The following DCP2 variants were observed in gnomAD, a reference collection of about 807,000 sequenced individuals.
DCP2 encodes the protein decapping mRNA 2, also known as m7GpppN-mRNA hydrolase.
Under a neutral mutation model 56.1 loss-of-function variants are expected in DCP2, and 30 were observed. That is an observed-to-expected ratio of 0.53 (90% CI 0.40 to 0.73). The LOEUF (loss-of-function observed/expected upper bound fraction) is 0.73. DCP2 is among the 30% of genes least tolerant of loss of function. The probability of loss-of-function intolerance (pLI) is 0.00; values close to 1 mark genes in which losing one functional copy is unlikely to be tolerated. For synonymous variants in DCP2, 197 were observed against 163.3 expected, an observed-to-expected ratio of 1.21 and a Z score of -1.57; for missense variants, 533 against 502.7, an observed-to-expected ratio of 1.06 and a Z score of -0.58.
In DCP2 at chr5:113,016,202, C is replaced by A. The variant is rs1312008728; in HGVS notation, c.*2718C>A. 1 of 152,538 alleles carries A rather than the reference C, an allele frequency of 6.6e-6. No individual in the cohort carries two copies. The highest frequency in any genetic ancestry group is 1.5e-5 in the Non-Finnish European group (1 of 68,006). 9.4% of individuals were successfully genotyped at this position (152,538 alleles called of 1,614,324 possible). A position where few individuals can be genotyped will look rare whatever the true frequency, so the allele number is the denominator to read the frequency against. The stretch of plus-strand genomic sequence containing the variant: ...AAAAGATAAGGGTGTGGTTTACATG[C>A]TTTTCAAAAATTTTTGTTAAGAAGT... On this transcript the variant is annotated 3_prime_UTR_variant, in exon 11 of 11. Transcript: ENST00000389063.
At chr5:112,983,558 G>A (rs140908699) in intron 1 of DCP2, among the ~76,000 whole-genome samples, 25 of 152,260 alleles carry the variant, frequency 1.6e-4, no homozygotes, top group Non-Finnish European at 1.5e-5. Flanking sequence ...ATTGACTTAC[G>A]AGACCTTTCA....
In DCP2 at chr5:113,015,073, T is replaced by C. The variant is rs1463099391; in HGVS notation, c.*1589T>C. 1 of 152,664 alleles carries C rather than the reference T, an allele frequency of 6.6e-6. No homozygotes were observed. The allele number at this position is 152,664 out of a possible 1,614,324, so 9.5% of individuals were successfully genotyped here. A position where few individuals can be genotyped will look rare whatever the true frequency, so the allele number is the denominator to read the frequency against. ...AAGCAGTGTGTATAGAATTATGATATTCAGAATCCTGCATCTTTTAATGTG... is the reference window on the plus strand; with the variant it reads ...AAGCAGTGTGTATAGAATTATGATACTCAGAATCCTGCATCTTTTAATGTG... On this transcript the variant is annotated 3_prime_UTR_variant, in exon 11 of 11. Coordinates refer to ENST00000389063, the MANE Select transcript of DCP2 (RefSeq NM_152624.6).
intron 8 of DCP2, among the ~76,000 whole-genome samples, chr5:113,004,823 T>A (rs531255777): frequency 5.9e-5 from 9 of 151,972 alleles, no homozygotes; most frequent in South Asian, 2.1e-4. Context: ...TTTTTTTTTT[T>A]ATTTTAAAAA....
At chr5:112,987,170 A>G (rs954374554) in intron 2 of DCP2, among the ~76,000 whole-genome samples, 24 of 152,306 alleles carry the variant, frequency 1.6e-4, no homozygotes, top group Admixed American at 1.1e-3. Flanking sequence ...AATGGTCCTG[A>G]TAGTACATGT....
intron 4 of DCP2, among the ~76,000 whole-genome samples, chr5:112,994,855 T>C (rs552638919): frequency 6.6e-6 from 1 of 152,298 alleles, no homozygotes; most frequent in East Asian, 1.9e-4. Context: ...GTAATATCTT[T>C]AAGGAAAAAA....
chr5:112,992,052 G>A (rs970728146), intron 2 of DCP2, 69 bp from the exon 3 acceptor site: 2 of 1,560,936 alleles, frequency 1.3e-6, no homozygotes, highest in Non-Finnish European at 1.7e-6. Flanking sequence ...ATTTAAATGG[G>A]TCTCTTTCTG....
At chr5:113,011,968 TCTC>T (rs1401515787) in intron 10 of DCP2, among the ~76,000 whole-genome samples, 2 of 152,220 alleles carry the variant, frequency 1.3e-5, no homozygotes, top group East Asian at 3.8e-4. Context: ...GTCTATTATT[TCTC>T]CTCATTAGAG....
At chr5:112,979,417 G>T (rs1007869007) in intron 1 of DCP2, among the ~76,000 whole-genome samples, 9 of 151,758 alleles carry the variant, frequency 5.9e-5, no homozygotes, top group Non-Finnish European at 1.0e-4. Context: ...CTTAGAATTT[G>T]GTAAACTTCT....
intron 4 of DCP2, among the ~76,000 whole-genome samples, chr5:112,993,622 C>G (rs1169681652): frequency 1.5e-5 from 2 of 129,552 alleles, no homozygotes; most frequent in Non-Finnish European, 3.2e-5. Context: ...GAAACACTAT[C>G]TCAAAAAAAA....
chr5:112,999,443 C>G (rs1314383098), intron 4 of DCP2, among the ~76,000 whole-genome samples: 2 of 151,736 alleles, frequency 1.3e-5, no homozygotes, highest in Non-Finnish European at 2.9e-5. Context: ...ATTCTCCTGT[C>G]TCAGCCTTCC....
intron 1 of DCP2, among the ~76,000 whole-genome samples, chr5:112,982,178 T>G (rs545055962): frequency 3.0e-5 from 4 of 134,738 alleles, no homozygotes; most frequent in African/African-American, 1.1e-4. Flanking sequence ...GTTGTACATG[T>G]ACTCCTCTCT....
chr5:113,015,088 C>T lies in DCP2; in HGVS notation c.*1604C>T, dbSNP rs1236234306. On this transcript the variant is annotated 3_prime_UTR_variant, in exon 11 of 11. Coordinates refer to ENST00000389063, the MANE Select transcript of DCP2 (RefSeq NM_152624.6). The stretch of plus-strand genomic sequence containing the variant: ...AATTATGATATTCAGAATCCTGCAT[C>T]TTTTAATGTGACAAATTTTTGAATC... 6.6e-6 allele frequency: 1 copy of T among 152,586 alleles called. No homozygotes were observed. Among genetic ancestry groups the T allele is most frequent in the Non-Finnish European group, 1.5e-5 (1 of 68,030 alleles). 9.5% of individuals were successfully genotyped at this position (152,586 alleles called of 1,614,324 possible).
In DCP2 at chr5:113,015,787, G is replaced by T. The variant is rs1456877884; in HGVS notation, c.*2303G>T. 6.6e-6 allele frequency: 1 copy of T among 152,584 alleles called. No individual in the cohort carries two copies. The highest frequency in any genetic ancestry group is 1.9e-4 in the East Asian group (1 of 5,196). The allele number at this position is 152,584 out of a possible 1,614,324, so 9.5% of individuals were successfully genotyped here. ...TACTATACTTATTCTCTCAAACCTG[G>T]GTAATAGTTTCTCAGTGTTCAGGTT... On this transcript the variant is annotated 3_prime_UTR_variant, in exon 11 of 11. Transcript: ENST00000389063.
At position 113,017,194 on chromosome 5, in the gene DCP2, G is replaced by C. The variant is rs1749924619; in HGVS notation, c.*3710G>C. On this transcript the variant is annotated 3_prime_UTR_variant, in exon 11 of 11. Coordinates refer to ENST00000389063, the MANE Select transcript of DCP2 (RefSeq NM_152624.6). ...GTATGTTAATCATAGTTATAGTAAAGTCAGACTCATTAACTTTTCTTCCTA... is the reference window on the plus strand; with the variant it reads ...GTATGTTAATCATAGTTATAGTAAACTCAGACTCATTAACTTTTCTTCCTA... 1 of 152,192 alleles carries C rather than the reference G, an allele frequency of 6.6e-6. No homozygotes were observed. The highest frequency in any genetic ancestry group is 2.4e-5 in the African/African-American group (1 of 41,436). The allele number at this position is 152,192 out of a possible 1,614,324, so 9.4% of individuals were successfully genotyped here.
At chr5:112,985,535 A>T (rs956002569) in intron 1 of DCP2, among the ~76,000 whole-genome samples, 13 of 152,186 alleles carry the variant, frequency 8.5e-5, no homozygotes, top group African/African-American at 2.7e-4. Context: ...CATGGGAGGA[A>T]GCGGAGGTTT....
At chr5:113,003,873 C>T (rs1169074675) in intron 7 of DCP2, 69 bp from the exon 8 acceptor site, 1 of 1,518,118 alleles carries the variant, frequency 6.6e-7, no homozygotes, top group Non-Finnish European at 9.1e-7. Context: ...ATAAATTTAA[C>T]TATTAAGGTG....
chr5:113,001,284 A>G (rs758099700), intron 5 of DCP2, 48 bp downstream of exon 5: 2 of 1,597,922 alleles, frequency 1.3e-6, no homozygotes, highest in Non-Finnish European at 1.7e-6. Context: ...TCCCAAATGA[A>G]TAAGTAGGGA....
At chr5:112,981,647 G>C (rs1467824585) in intron 1 of DCP2, among the ~76,000 whole-genome samples, 1 of 152,180 alleles carries the variant, frequency 6.6e-6, no homozygotes, top group Non-Finnish European at 1.5e-5. Context: ...GTGTCTTGCA[G>C]AATATCTGAA....
At chr5:113,003,803 T>C (rs1009047076) in intron 7 of DCP2, 139 bp from the exon 8 acceptor site, 8 of 937,676 alleles carry the variant, frequency 8.5e-6, no homozygotes, top group Admixed American at 7.0e-5. Flanking sequence ...AAATCTCTGC[T>C]CTCATAGAAC....
Sources: allele counts gnomAD v4.1 joint callset (sites outside exome capture counted in the v4.1 genomes callset), GRCh38; gene constraint gnomAD v4.1.1; transcripts MANE v1.5; gene names NCBI Gene and HGNC (gene_info 2026-07-23, HGNC 2026-07-21).